MSI2: variants seen among roughly 807,000 people sequenced by gnomAD.
MSI2 encodes musashi RNA binding protein 2, also known as RNA-binding protein Musashi homolog 2.
Under a neutral mutation model 45.6 loss-of-function variants are expected in MSI2, and 17 were observed. That is an observed-to-expected ratio of 0.37 (90% confidence interval 0.26 to 0.56). The LOEUF (loss-of-function observed/expected upper bound fraction) is 0.56. Ranked by LOEUF, MSI2 falls within the 20% of genes least tolerant of loss-of-function variation. The pLI, the probability that MSI2 is intolerant of heterozygous loss-of-function variation, is 0.77. For missense variants in MSI2, 293 were observed against 444.2 expected, an observed-to-expected ratio of 0.66 and a Z score of 3.06; for synonymous variants, 156 against 158.2, an observed-to-expected ratio of 0.99 and a Z score of 0.11.
At chr17:57,607,551 T>C (rs532742971) in intron 8 of MSI2, among the ~76,000 whole-genome samples, 1 of 152,336 alleles carries the variant, frequency 6.6e-6, no homozygotes, top group East Asian at 1.9e-4. Context: ...ACAAGGACAG[T>C]GCCTGATTAT....
In MSI2 at chr17:57,589,531, G is replaced by A. The variant is rs146767488; in HGVS notation, c.455-7337G>A. On this transcript the variant is annotated intron_variant, in intron 7 of 13. Transcript: ENST00000284073. ...TAGCTCATGGAGGTGACCTAGAAAC[G>A]TTCCGCGTTGGGGCTGGGGACAGCC... Among the ~76,000 whole-genome samples the A allele has an allele frequency of 5.4e-4, 82 of 150,786 alleles. No individual in the cohort carries two copies. In the East Asian group the frequency reaches 0.015, roughly 27 times the overall value.
At chr17:57,410,603 A>AG (rs2084178067) in intron 6 of MSI2, among the ~76,000 whole-genome samples, 3 of 151,414 alleles carry the variant, frequency 2.0e-5, no homozygotes, top group Non-Finnish European at 4.4e-5. Context: ...TAAAAAAAAA[A>AG]GAAAAGAAAA....
intron 6 of MSI2, among the ~76,000 whole-genome samples, chr17:57,468,293 G>A (rs1369391847): frequency 1.3e-5 from 2 of 151,322 alleles, no homozygotes; most frequent in Non-Finnish European, 2.9e-5. Context: ...TTGGGAGGCC[G>A]AGACGGGCAG....
intron 6 of MSI2, among the ~76,000 whole-genome samples, chr17:57,441,461 G>A (rs1567825098): frequency 6.6e-6 from 1 of 152,134 alleles, no homozygotes; most frequent in Non-Finnish European, 1.5e-5. Context: ...TTTTTTTCAA[G>A]AAGTATGAAA....
intron 10 of MSI2, chr17:57,628,027 G>C (rs957439071): frequency 6.6e-6 from 1 of 152,510 alleles, no homozygotes; most frequent in Non-Finnish European, 1.5e-5. Context: ...GACAATGAAG[G>C]AAGCGATGTT....
At chr17:57,603,399 C>T (rs1906138118) in intron 8 of MSI2, among the ~76,000 whole-genome samples, 1 of 152,228 alleles carries the variant, frequency 6.6e-6, no homozygotes, top group South Asian at 2.1e-4. Context: ...ATCCCAGGTC[C>T]ACCGCTGGTG....
At position 57,596,531 on chromosome 17, in the gene MSI2, G is replaced by C. The variant is rs1335662291; in HGVS notation, c.455-337G>C. 6.6e-6 allele frequency among the ~76,000 whole-genome samples: 1 copy of C among 152,256 alleles called. No homozygotes were observed. The highest frequency in any genetic ancestry group is 2.4e-5 in the African/African-American group (1 of 41,472). On this transcript the variant is annotated intron_variant, in intron 7 of 13. Transcript: ENST00000284073. The surrounding 1 kb of genome is among the most constrained non-coding windows in gnomAD (Gnocchi z 4.6). ...CCCCGCAGTGATCCACGAGGCTCTG[G>C]TTAGCCCACCCGCCTGCTGCCGTGC...
chr17:57,352,844 GCCT>G (rs1303991669), intron 5 of MSI2, among the ~76,000 whole-genome samples: 2 of 152,200 alleles, frequency 1.3e-5, no homozygotes, highest in African/African-American at 4.8e-5. Context: ...GCTCCTCCTA[GCCT>G]CCTCCTCTGC....
At chr17:57,514,216 T>C (rs889021237) in intron 6 of MSI2, among the ~76,000 whole-genome samples, 3 of 151,946 alleles carry the variant, frequency 2.0e-5, no homozygotes, top group African/African-American at 4.8e-5. Context: ...AAGGGATTTT[T>C]TTTTCTGCTT....
chr17:57,533,505 C>T (rs1388595231), intron 7 of MSI2, among the ~76,000 whole-genome samples: 1 of 152,200 alleles, frequency 6.6e-6, no homozygotes, highest in Non-Finnish European at 1.5e-5. Context: ...ATTGATGAGC[C>T]CCAGGACCTG....
intron 7 of MSI2, chr17:57,531,633 C>T (rs1047238743): frequency 6.6e-6 from 1 of 152,124 alleles, no homozygotes; most frequent in Non-Finnish European, 1.5e-5. Context: ...CCAGAGTTGC[C>T]CCCAGGTGAT....
intron 6 of MSI2, among the ~76,000 whole-genome samples, chr17:57,422,288 C>T (rs1266263620): frequency 3.9e-5 from 6 of 152,162 alleles, no homozygotes; most frequent in Non-Finnish European, 8.8e-5. Flanking sequence ...GGTGAAACCC[C>T]ATCTCTACTA....
chr17:57,659,182 C>T (rs1036541263), intron 11 of MSI2, among the ~76,000 whole-genome samples: 3 of 152,072 alleles, frequency 2.0e-5, no homozygotes, highest in Non-Finnish European at 4.4e-5. Context: ...TCCTCAGCCT[C>T]CCAAGTAGTT....
At chr17:57,329,934 G>A (rs1006365487) in intron 5 of MSI2, among the ~76,000 whole-genome samples, 5 of 149,538 alleles carry the variant, frequency 3.3e-5, no homozygotes, top group African/African-American at 1.2e-4. Context: ...TTTTGTTTTT[G>A]TTTTTGTTTT....
At chr17:57,662,987 T>C (rs912750487) in intron 11 of MSI2, among the ~76,000 whole-genome samples, 3 of 152,216 alleles carry the variant, frequency 2.0e-5, no homozygotes, top group Non-Finnish European at 4.4e-5. Flanking sequence ...CAGAAGAAAC[T>C]AGGCGATGGA....
At chr17:57,586,344 G>C (rs1245602932) in intron 7 of MSI2, among the ~76,000 whole-genome samples, 1 of 152,108 alleles carries the variant, frequency 6.6e-6, no homozygotes. Flanking sequence ...AGGATGGTTA[G>C]AGGTCTCTCT....
intron 11 of MSI2, among the ~76,000 whole-genome samples, chr17:57,666,149 G>C (rs1912344786): frequency 6.6e-6 from 1 of 152,236 alleles, no homozygotes; most frequent in South Asian, 2.1e-4. Flanking sequence ...AAAGATCCAA[G>C]TAAACAGAGG....
At chr17:57,568,470 G>T (rs955276495) in intron 7 of MSI2, among the ~76,000 whole-genome samples, 2 of 152,190 alleles carry the variant, frequency 1.3e-5, no homozygotes, top group Non-Finnish European at 2.9e-5. Context: ...CGTGCCTCTA[G>T]TGCCTTAGGA....
At chr17:57,472,125 G>T (rs1567844185) in intron 6 of MSI2, among the ~76,000 whole-genome samples, 1 of 152,188 alleles carries the variant, frequency 6.6e-6, no homozygotes, top group Non-Finnish European at 1.5e-5. Flanking sequence ...CTGCCTGTGA[G>T]TGGGCCTTGC....
Sources: gnomAD v4.1 joint callset for allele counts (sites outside exome capture counted in the v4.1 genomes callset) on GRCh38, gnomAD v4.1.1 for gene constraint, Gnocchi (gnomAD v3.1) non-coding constraint, MANE v1.5 for transcripts, NCBI Gene and HGNC (gene_info 2026-07-23, HGNC 2026-07-21) for gene names.